Variants in UBAP2 observed in about 807,000 individuals in gnomAD.
UBAP2 encodes the protein ubiquitin-associated protein 2.
Under a neutral mutation model 139.6 loss-of-function variants are expected in UBAP2, and 75 were observed. That is an observed-to-expected ratio of 0.54 (90% CI 0.45 to 0.65). The LOEUF is 0.65. UBAP2 is among the 30% of genes least tolerant of loss of function. UBAP2 has a pLI of 0.00. For synonymous variants in UBAP2, 526 were observed against 526.2 expected (o/e 1.00, Z 0.01); for missense variants, 1,368 against 1,369.6 (o/e 1.00, Z 0.02).
At chr9:34,036,787 T>C (rs1826411288) in intron 1 of UBAP2, among the ~76,000 whole-genome samples, 1 of 150,736 alleles carries the variant, frequency 6.6e-6, no homozygotes, top group Admixed American at 6.6e-5. Flanking sequence ...ACAGAGAATA[T>C]ACTACCTTAA....
chr9:34,043,716 G>C (rs1266915958), intron 1 of UBAP2, among the ~76,000 whole-genome samples: 1 of 151,334 alleles, frequency 6.6e-6, no homozygotes, highest in Admixed American at 6.6e-5. Context: ...CGCTGGTCTC[G>C]AACTCCTGCT....
chr9:33,974,854 C>T (rs1828175255), intron 6 of UBAP2, among the ~76,000 whole-genome samples: 1 of 145,062 alleles, frequency 6.9e-6, no homozygotes, highest in Middle Eastern at 3.5e-3. Flanking sequence ...GCAGGAGAAT[C>T]GCTTGAACCC....
At chr9:33,928,099 G>A (rs939305384) in intron 19 of UBAP2, 107 bp from the exon 20 acceptor site, 1 of 1,228,954 alleles carries the variant, frequency 8.1e-7, no homozygotes, top group Non-Finnish European at 1.1e-6. Context: ...GAGCAGGCAG[G>A]CAATGATGTA....
intron 16 of UBAP2, 61 bp from the exon 17 acceptor site, chr9:33,935,939 CT>C: frequency 1.4e-6 from 2 of 1,469,382 alleles, no homozygotes; most frequent in Non-Finnish European, 1.9e-6. Context: ...ACCTGAGTGG[CT>C]TTTTATACTT....
chr9:34,012,514 A>G (rs1587657869), intron 2 of UBAP2, among the ~76,000 whole-genome samples: 1 of 121,274 alleles, frequency 8.2e-6, no homozygotes, highest in Non-Finnish European at 1.7e-5. Context: ...CTGGGCATCA[A>G]AGTAAAACTG....
chr9:33,937,867 A>C (rs1046164302), intron 16 of UBAP2, among the ~76,000 whole-genome samples: 5 of 152,114 alleles, frequency 3.3e-5, no homozygotes, highest in Non-Finnish European at 5.9e-5. Flanking sequence ...GGTTGCAGTG[A>C]GCCGGGACCG....
In UBAP2 at chr9:33,923,898, T is replaced by G. The variant is rs769797330; in HGVS notation, c.2693A>C (p.Gln898Pro). The G allele has an allele frequency of 6.2e-7, 1 of 1,614,182 alleles. No individual in the cohort carries two copies. The highest frequency in any genetic ancestry group is 1.1e-5 in the South Asian group (1 of 91,084). ...CAGTGCAGGATTCACGAAGGGCTGC[T>G]GGGCTGTGTGGTGGGTCTGTGATTG... ...QSQSQTHHTA[Q>P]QPFVNPALPP... The change falls in exon 24 of 29, where the codon CAG becomes CCG. Residue 898 changes from glutamine to proline, a missense_variant. Coordinates refer to ENST00000379238, the MANE Select transcript of UBAP2 (RefSeq NM_001370062.2).
rs1826849941 is a variant in UBAP2, at chr9:33,959,484, ACT to A, written c.798+1340_798+1341del. Among the ~76,000 whole-genome samples, 3 of 152,144 alleles carry A rather than the reference ACT, an allele frequency of 2.0e-5. No individual in the cohort carries two copies. The South Asian group carries it at 6.2e-4, about 32-fold the overall frequency. On this transcript the variant is annotated intron_variant, in intron 10 of 28. Transcript: ENST00000379238. ...TATTTCCCTCTCAATGTCTGCTCAAACTCTGTGTCAGACAGATACCAAACTCA... is the reference window on the plus strand; with the variant it reads ...TATTTCCCTCTCAATGTCTGCTCAAACTGTGTCAGACAGATACCAAACTCA...
intron 1 of UBAP2, among the ~76,000 whole-genome samples, chr9:34,041,297 G>GA (rs1827054070): frequency 9.6e-4 from 65 of 67,942 alleles, no homozygotes; most frequent in Middle Eastern, 9.6e-3. Flanking sequence ...TACTAAAAAT[G>GA]CAAAAAAAAA....
chr9:33,926,504 TTCCTCAGGCAGAGGA>T, intron 22 of UBAP2, 98 bp downstream of exon 22: 2 of 1,173,956 alleles, frequency 1.7e-6, no homozygotes, highest in Non-Finnish European at 2.6e-6. Context: ...TGCTGAGAGG[TTCCTCAGGCAGAGGA>T]TCCTAAGGGC....
chr9:33,923,137 G>A, intron 26 of UBAP2, 49 bp downstream of exon 26: 1 of 1,612,348 alleles, frequency 6.2e-7, no homozygotes, highest in Non-Finnish European at 8.5e-7. Context: ...GGATCAGGCA[G>A]GAGCCCACCA....
chr9:33,934,538 T>C (rs528056483), intron 17 of UBAP2, among the ~76,000 whole-genome samples: 1 of 152,278 alleles, frequency 6.6e-6, no homozygotes, highest in East Asian at 1.9e-4. Flanking sequence ...CTCTTCCATA[T>C]ATAAACCTTG....
Position 34,038,477 on chromosome 9 carries a change from G to GT in UBAP2, c.-42+10347dup, listed in dbSNP as rs1212528078. Among the ~76,000 whole-genome samples the GT allele has an allele frequency of 6.6e-5, 10 of 152,308 alleles. No homozygotes were observed. In the East Asian group the frequency reaches 1.5e-3, roughly 24 times the overall value. On this transcript the variant is annotated intron_variant, in intron 1 of 28. Transcript: ENST00000379238. ...TTCGTATTTTTTTGGTGGAGACGGGGTTTCGCTGTGTTGGCCGGGCTGGTC... is the reference window on the plus strand; with the variant it reads ...TTCGTATTTTTTTGGTGGAGACGGGGTTTTCGCTGTGTTGGCCGGGCTGGTC...
chr9:33,930,619 C>T (rs945983192), intron 19 of UBAP2, among the ~76,000 whole-genome samples: 3 of 152,004 alleles, frequency 2.0e-5, no homozygotes, highest in South Asian at 4.1e-4. Flanking sequence ...AGATGATGGC[C>T]GGGCGCGGTG....
chr9:33,991,427 G>A (rs1368797998), intron 4 of UBAP2, among the ~76,000 whole-genome samples: 1 of 152,192 alleles, frequency 6.6e-6, no homozygotes, highest in African/African-American at 2.4e-5. Context: ...GTAGTCTAGT[G>A]TATCCATAAA....
intron 6 of UBAP2, among the ~76,000 whole-genome samples, chr9:33,975,921 T>C (rs1249744869): frequency 1.3e-5 from 2 of 151,754 alleles, no homozygotes; most frequent in Admixed American, 6.6e-5. Context: ...TATATGTTTA[T>C]ACAACAAATT....
intron 6 of UBAP2, among the ~76,000 whole-genome samples, chr9:33,975,432 T>TAA (rs770473072): frequency 2.3e-3 from 275 of 118,134 alleles, no homozygotes; most frequent in Middle Eastern, 0.015. Context: ...GCTCTATCTT[T>TAA]AAAAAAAAAA....
At chr9:33,979,710 G>A (rs530302030) in intron 6 of UBAP2, among the ~76,000 whole-genome samples, 33 of 151,470 alleles carry the variant, frequency 2.2e-4, no homozygotes, top group Admixed American at 1.6e-3. Context: ...GTGAAACCCC[G>A]TCTCTACTAA....
At chr9:34,022,433 CTT>C (rs11387718) in intron 1 of UBAP2, among the ~76,000 whole-genome samples, 8,776 of 112,260 alleles carry the variant, frequency 0.078, 406 homozygotes, top group Non-Finnish European at 0.11. Context: ...AGCAAGACCC[CTT>C]TTTTTTTTTT....
Sources: gnomAD v4.1 joint callset for allele counts (sites outside exome capture counted in the v4.1 genomes callset) on GRCh38, gnomAD v4.1.1 for gene constraint, MANE v1.5 for transcripts, NCBI Gene and HGNC (gene_info 2026-07-23, HGNC 2026-07-21) for gene names.